RALGAPB: variants seen among roughly 807,000 people sequenced by gnomAD.
The protein encoded by RALGAPB is ral GTPase-activating protein subunit beta.
Under a neutral mutation model 161.1 loss-of-function variants are expected in RALGAPB, and 25 were observed. That is an observed-to-expected ratio of 0.16 (90% confidence interval 0.11 to 0.22). The LOEUF is 0.22. RALGAPB is among the 10% of genes least tolerant of loss of function. RALGAPB has a pLI of 1.00. For missense variants in RALGAPB, 1,391 were observed against 1,815.2 expected (o/e 0.77, Z 4.25); for synonymous variants, 629 against 626.1 (o/e 1.00, Z -0.07).
At chr20:38,546,470 C>A in intron 19 of RALGAPB, 40 bp downstream of exon 19, 1 of 1,610,320 alleles carries the variant, frequency 6.2e-7, no homozygotes, top group South Asian at 1.1e-5. Context: ...ACTGCTTAAT[C>A]AGTGTTACCA....
chr20:38,523,392 A>G (rs1295724393), intron 10 of RALGAPB, among the ~76,000 whole-genome samples: 1 of 152,158 alleles, frequency 6.6e-6, no homozygotes, highest in East Asian at 1.9e-4. Flanking sequence ...CCTAAATGGT[A>G]CTTTGGTAGT....
chr20:38,474,790 C>G (rs978825150), intron 1 of RALGAPB, among the ~76,000 whole-genome samples: 2 of 152,216 alleles, frequency 1.3e-5, no homozygotes, highest in African/African-American at 4.8e-5. Flanking sequence ...TTTTCTTCAT[C>G]TCTGTATTCC....
chr20:38,573,890 T>A (rs929080513), intron 28 of RALGAPB: 3 of 255,752 alleles, frequency 1.2e-5, no homozygotes, highest in Non-Finnish European at 2.2e-5. Context: ...TCCAAGCATA[T>A]ATATTTTTTC....
In RALGAPB at chr20:38,565,379, A is replaced by G. The variant is rs777606606; in HGVS notation, c.3718A>G (p.Ile1240Val). The G allele has an allele frequency of 1.9e-6, 3 of 1,613,400 alleles. No homozygotes were observed. Among genetic ancestry groups the G allele is most frequent in the Non-Finnish European group, 2.5e-6 (3 of 1,179,664 alleles). The change falls in exon 25 of 30, where the codon ATT (isoleucine) becomes GTT (valine). Residue 1240 changes from isoleucine to valine, a missense_variant. Transcript: ENST00000262879. ...AGAAGAAGTGATTTCCTCTGAAGAT[A>G]TTGGAGCTAGCATTTTCAATGGACA... ...SQQEVISSED[I>V]GASIFNGQKK...
Position 38,578,416 on chromosome 20 carries a change from A to T in RALGAPB, c.*3449A>T, listed in dbSNP as rs1490895793. The T allele has an allele frequency of 6.6e-6, 1 of 152,488 alleles. No homozygotes were observed. The highest frequency in any genetic ancestry group is 2.4e-5 in the African/African-American group (1 of 41,412). The allele number at this position is 152,488 out of a possible 1,614,324, so 9.4% of individuals were successfully genotyped here. A position where few individuals can be genotyped will look rare whatever the true frequency, so the allele number is the denominator to read the frequency against. On this transcript the variant is annotated 3_prime_UTR_variant, in exon 30 of 30. Transcript: ENST00000262879. ...GGTGAGGGAAAAGGTATAATTTGGG[A>T]TTCCACAGTGCCTTGCATATAGTAG...
chr20:38,531,625 T>G (rs925945601), intron 14 of RALGAPB, among the ~76,000 whole-genome samples: 4 of 152,218 alleles, frequency 2.6e-5, no homozygotes, highest in Non-Finnish European at 5.9e-5. Flanking sequence ...GACCTAAGTT[T>G]GCAGGTCCCT....
At chr20:38,532,979 A>G in intron 15 of RALGAPB, 120 bp downstream of exon 15, 1 of 1,123,768 alleles carries the variant, frequency 8.9e-7, no homozygotes, top group Non-Finnish European at 1.2e-6. Context: ...AGTATAATAG[A>G]GAGGATGTCA....
At chr20:38,495,922 A>G (rs1015364685) in intron 3 of RALGAPB, among the ~76,000 whole-genome samples, 11 of 152,142 alleles carry the variant, frequency 7.2e-5, no homozygotes, top group African/African-American at 2.7e-4. Flanking sequence ...ACCATGTAGG[A>G]GGCATGCACT....
intron 5 of RALGAPB, among the ~76,000 whole-genome samples, chr20:38,508,086 TA>T (rs1213768623): frequency 1.3e-5 from 2 of 151,150 alleles, no homozygotes; most frequent in African/African-American, 2.4e-5. Context: ...ATGAATCTTT[TA>T]AAAAATTTAC....
chr20:38,531,238 A>C lies in RALGAPB; in HGVS notation c.2115+7A>C, dbSNP rs1352862712. 2 of 1,585,628 alleles carry C rather than the reference A, an allele frequency of 1.3e-6. No individual in the cohort carries two copies. Among genetic ancestry groups the C allele is most frequent in the African/African-American group, 2.7e-5 (2 of 74,326 alleles). On this transcript the variant is annotated splice_region_variant and intron_variant, in intron 14 of 29. Transcript: ENST00000262879. The stretch of plus-strand genomic sequence containing the variant: ...TGGTTGCCAGATGGAGATGGTAAGA[A>C]GCATACATGCAATCTGTCAGAGAAT...
intron 6 of RALGAPB, among the ~76,000 whole-genome samples, chr20:38,513,038 G>T (rs1411193625): frequency 6.6e-6 from 1 of 152,034 alleles, no homozygotes; most frequent in Non-Finnish European, 1.5e-5. Context: ...AGGATTACAG[G>T]CTTGAGCCAC....
chr20:38,493,276 T>C, intron 3 of RALGAPB, 144 bp downstream of exon 3: 2 of 677,500 alleles, frequency 3.0e-6, no homozygotes, highest in Middle Eastern at 4.1e-4. Flanking sequence ...TTAATGTGAA[T>C]GTTAGGAGAG....
In RALGAPB at chr20:38,535,223, C is replaced by T; in HGVS notation, c.2379+16C>T. 1.2e-6 allele frequency: 2 copies of T among 1,613,650 alleles called. No homozygotes were observed. The highest frequency in any genetic ancestry group is 2.2e-5 in the South Asian group (2 of 91,010). ...CCTTGCAAAGGTGAGGAAGACAGTC[C>T]TTTTATTTTAACCCAACAGCCTTGG... On this transcript the variant is annotated intron_variant, in intron 16 of 29. Transcript: ENST00000262879.
intron 28 of RALGAPB, among the ~76,000 whole-genome samples, chr20:38,572,293 T>G (rs1412869059): frequency 6.6e-6 from 1 of 152,230 alleles, no homozygotes; most frequent in Non-Finnish European, 1.5e-5. Flanking sequence ...ATGGTAACAA[T>G]GTATTTGTAT....
intron 18 of RALGAPB, among the ~76,000 whole-genome samples, chr20:38,543,021 A>G (rs984465918): frequency 6.6e-6 from 1 of 152,172 alleles, no homozygotes; most frequent in Non-Finnish European, 1.5e-5. Flanking sequence ...CTTTGAGTGC[A>G]TGGCTAGCAG....
chr20:38,546,127 G>A, intron 18 of RALGAPB, 116 bp from the exon 19 acceptor site: 1 of 1,540,122 alleles, frequency 6.5e-7, no homozygotes, highest in Non-Finnish European at 8.8e-7. Flanking sequence ...GACCTGTCAA[G>A]AAGCATGGCT....
intron 22 of RALGAPB, among the ~76,000 whole-genome samples, chr20:38,554,641 G>A (rs2087512411): frequency 6.6e-6 from 1 of 152,168 alleles, no homozygotes; most frequent in African/African-American, 2.4e-5. Flanking sequence ...TCTATAAAGT[G>A]AGGATGATAA....
At chr20:38,490,511 T>C (rs142062338) in intron 2 of RALGAPB, among the ~76,000 whole-genome samples, 1 of 150,264 alleles carries the variant, frequency 6.7e-6, no homozygotes. Context: ...CCCGGCCTAT[T>C]TATTTATTTT....
At chr20:38,561,248 C>T (rs977739885) in intron 23 of RALGAPB, among the ~76,000 whole-genome samples, 3 of 152,162 alleles carry the variant, frequency 2.0e-5, no homozygotes, top group Non-Finnish European at 4.4e-5. Context: ...GGCGTGAACC[C>T]GGGAGGTGGA....
Sources: allele counts gnomAD v4.1 joint callset (sites outside exome capture counted in the v4.1 genomes callset), GRCh38; gene constraint gnomAD v4.1.1; transcripts MANE v1.5; gene names NCBI Gene and HGNC (gene_info 2026-07-23, HGNC 2026-07-21).